The following SAE1 variants were observed in gnomAD, a reference collection of about 807,000 sequenced individuals.
SAE1 encodes the protein SUMO1 activating enzyme subunit 1.
A neutral mutation model predicts 40.6 loss-of-function variants in SAE1; 11 were observed. The observed-to-expected ratio is 0.27, with a 90% CI of 0.17 to 0.45. The LOEUF is 0.45. Ranked by LOEUF, SAE1 falls within the 20% of genes least tolerant of loss-of-function variation. The pLI is 1.00. For missense variants in SAE1, 373 were observed against 427.3 expected (o/e 0.87, Z 1.12); for synonymous variants, 155 against 154.3 (o/e 1.00, Z -0.03).
At chr19:47,167,318 G>A (rs1012729950) in intron 5 of SAE1, among the ~76,000 whole-genome samples, 2 of 149,780 alleles carry the variant, frequency 1.3e-5, no homozygotes, top group African/African-American at 4.9e-5. Context: ...CCAGGCTGGG[G>A]TGTAGTGGCA....
In SAE1 at chr19:47,143,213, C is replaced by T. The variant is rs145918539; in HGVS notation, c.99-281C>T. On this transcript the variant is annotated intron_variant, in intron 1 of 8. Transcript: ENST00000270225. ...CTCCGCCTCATGGTTTCAAGTGATT[C>T]TCCTGCCTCAGCCTCCCAAGTAGCT... Among the ~76,000 whole-genome samples, 592 of 152,078 alleles carry T rather than the reference C, an allele frequency of 3.9e-3. 5 individuals carry two copies. The highest frequency in any genetic ancestry group is 0.014 in the African/African-American group (564 of 41,488).
At chr19:47,138,379 C>G (rs1274328577) in intron 1 of SAE1, among the ~76,000 whole-genome samples, 1 of 152,126 alleles carries the variant, frequency 6.6e-6, no homozygotes, top group Non-Finnish European at 1.5e-5. Flanking sequence ...TTCTCAGCTG[C>G]AAAAGAGGGG....
chr19:47,140,564 A>T (rs2058214886), intron 1 of SAE1, among the ~76,000 whole-genome samples: 1 of 148,762 alleles, frequency 6.7e-6, no homozygotes, highest in Non-Finnish European at 1.5e-5. Context: ...AGGCAGGAAG[A>T]TTGCTTGAGC....
intron 6 of SAE1, among the ~76,000 whole-genome samples, chr19:47,184,965 G>T (rs2058535086): frequency 6.6e-6 from 1 of 151,046 alleles, no homozygotes; most frequent in South Asian, 2.1e-4. Flanking sequence ...AATTACAGGT[G>T]CCCACCACCA....
rs922257879 is a variant in SAE1 at position 47,210,027 on chromosome 19, G to A, written c.*776G>A. The A allele has an allele frequency of 1.1e-4, 17 of 152,182 alleles. No homozygotes were observed. The highest frequency in any genetic ancestry group is 3.9e-4 in the African/African-American group (16 of 41,436). The allele number at this position is 152,182 out of a possible 1,614,324, so 9.4% of individuals were successfully genotyped here. ...GAGGGAGGAGCCTGCCCTTTTAACA[G>A]AACCCCAGTCACATGCGGCTCAAGT... On this transcript the variant is annotated 3_prime_UTR_variant, in exon 9 of 9. Coordinates refer to ENST00000270225, the MANE Select transcript of SAE1 (RefSeq NM_005500.3).
In SAE1 at chr19:47,204,663, C is replaced by T. The variant is rs147515666; in HGVS notation, c.948+923C>T. ...CTGAGAGTACAGGTTCCCACCACCA[C>T]ACCAGGCTAATTTTTGTATTTTTAG... On this transcript the variant is annotated intron_variant, in intron 8 of 8. Transcript: ENST00000270225. Among the ~76,000 whole-genome samples, 16 of 151,850 alleles carry T rather than the reference C, an allele frequency of 1.1e-4. No homozygotes were observed. The East Asian group carries it at 3.1e-3, about 30-fold the overall frequency.
At chr19:47,201,018 C>T (rs747555824) in intron 7 of SAE1, among the ~76,000 whole-genome samples, 4 of 151,730 alleles carry the variant, frequency 2.6e-5, no homozygotes, top group Non-Finnish European at 5.9e-5. Context: ...CCACCATGCC[C>T]AGCTATTTTT....
intron 1 of SAE1, among the ~76,000 whole-genome samples, chr19:47,138,200 C>T (rs948510848): frequency 3.3e-5 from 5 of 152,086 alleles, no homozygotes; most frequent in Admixed American, 2.0e-4. Context: ...CCTGCTACCG[C>T]GCCCAGCTAA....
intron 6 of SAE1, among the ~76,000 whole-genome samples, chr19:47,192,972 C>T (rs983902988): frequency 6.6e-6 from 1 of 152,056 alleles, no homozygotes; most frequent in Non-Finnish European, 1.5e-5. Flanking sequence ...AATCGGAATA[C>T]CAGCAGGACA....
chr19:47,163,876 C>T (rs1380770235), intron 5 of SAE1, among the ~76,000 whole-genome samples: 1 of 151,834 alleles, frequency 6.6e-6, no homozygotes, highest in Non-Finnish European at 1.5e-5. Flanking sequence ...TTCAAGTGAT[C>T]CTCTGGCCTC....
At chr19:47,198,251 A>G (rs1034741460) in intron 7 of SAE1, among the ~76,000 whole-genome samples, 1 of 152,128 alleles carries the variant, frequency 6.6e-6, no homozygotes, top group African/African-American at 2.4e-5. Context: ...CTGGGATTAC[A>G]GGTGCCTGCC....
At chr19:47,202,518 C>G (rs2058661052) in intron 7 of SAE1, among the ~76,000 whole-genome samples, 1 of 150,894 alleles carries the variant, frequency 6.6e-6, no homozygotes, top group African/African-American at 2.4e-5. Context: ...GATCTCTTGA[C>G]TTTGTGATCC....
In SAE1 at chr19:47,148,502, C is replaced by A. The variant is rs545433518; in HGVS notation, c.211-1700C>A. On this transcript the variant is annotated intron_variant, in intron 2 of 8. Coordinates refer to ENST00000270225, the MANE Select transcript of SAE1 (RefSeq NM_005500.3). ...ATGGAATCTGTAATCTTACTGGTGG[C>A]TATTAGGGGATTATATTATCCTGTC... Among the ~76,000 whole-genome samples the A allele has an allele frequency of 1.1e-4, 17 of 151,952 alleles. No individual in the cohort carries two copies. The East Asian group carries it at 2.1e-3, about 19-fold the overall frequency.
chr19:47,205,967 A>G (rs2058684654), intron 8 of SAE1, among the ~76,000 whole-genome samples: 1 of 152,224 alleles, frequency 6.6e-6, no homozygotes, highest in Non-Finnish European at 1.5e-5. Context: ...TAGAGACTGC[A>G]TGGACCCCAG....
At chr19:47,192,632 T>A (rs2123300801) in intron 6 of SAE1, among the ~76,000 whole-genome samples, 1 of 152,128 alleles carries the variant, frequency 6.6e-6, no homozygotes, top group African/African-American at 2.4e-5. Flanking sequence ...AACCTCTGAA[T>A]CCTGGGTTCA....
Position 47,192,621 on chromosome 19 carries a change from C to T in SAE1, c.734-4612C>T, listed in dbSNP as rs375167305. Reference sequence around the variant, plus strand: ...GCAGCGGTGTGATTTCGGCTCACCGCAACCTCTGAATCCTGGGTTCAAGCA... The same window carrying T: ...GCAGCGGTGTGATTTCGGCTCACCGTAACCTCTGAATCCTGGGTTCAAGCA... On this transcript the variant is annotated intron_variant, in intron 6 of 8. Coordinates refer to ENST00000270225, the MANE Select transcript of SAE1 (RefSeq NM_005500.3). Among the ~76,000 whole-genome samples the T allele has an allele frequency of 1.1e-4, 16 of 152,182 alleles. 2 individuals are homozygous for T. Among genetic ancestry groups the T allele is most frequent in the Admixed American group, 5.2e-4 (8 of 15,250 alleles).
At chr19:47,141,801 A>C (rs955314960) in intron 1 of SAE1, among the ~76,000 whole-genome samples, 1 of 152,190 alleles carries the variant, frequency 6.6e-6, no homozygotes, top group African/African-American at 2.4e-5. Flanking sequence ...TTATTACTAA[A>C]TCCTTTTCAG....
At chr19:47,134,483 A>T (rs2058166576) in intron 1 of SAE1, among the ~76,000 whole-genome samples, 1 of 152,028 alleles carries the variant, frequency 6.6e-6, no homozygotes, top group Non-Finnish European at 1.5e-5. Flanking sequence ...GAATTAAGTG[A>T]TGAGAATGTG....
chr19:47,172,809 G>T (rs17729245), intron 6 of SAE1, among the ~76,000 whole-genome samples: 2 of 151,548 alleles, frequency 1.3e-5, no homozygotes, highest in Admixed American at 1.3e-4. Context: ...ATATCTTCAC[G>T]GATGACAGAG....
Sources: allele counts gnomAD v4.1 joint callset (sites outside exome capture counted in the v4.1 genomes callset), GRCh38; gene constraint gnomAD v4.1.1; transcripts MANE v1.5; gene names NCBI Gene and HGNC (gene_info 2026-07-23, HGNC 2026-07-21).